Variants in CTNNA2 observed in about 807,000 individuals in gnomAD.
The protein encoded by CTNNA2 is catenin alpha 2.
CTNNA2 carries 42 observed loss-of-function variants against 101.0 expected under a neutral mutation model. The ratio of observed to expected loss-of-function variants is 0.42; its 90% CI spans 0.32 to 0.54. The LOEUF (loss-of-function observed/expected upper bound fraction) is 0.54, where lower values mean the gene tolerates loss of function less well. Among genes scored for constraint, CTNNA2 ranks in the 20% least tolerant of loss-of-function variants. CTNNA2 has a pLI of 0.14. For synonymous variants in CTNNA2, 450 were observed against 456.4 expected (o/e 0.99, Z 0.18); for missense variants, 871 against 1,223.1 (o/e 0.71, Z 4.29).
chr2:80,068,132 T>C (rs989887756), intron 7 of CTNNA2, among the ~76,000 whole-genome samples: 11 of 152,176 alleles, frequency 7.2e-5, no homozygotes, highest in African/African-American at 2.7e-4. Context: ...GGAGAAAGCA[T>C]AGATGCGCTG....
chr2:79,872,484 C>T (rs184660506), intron 5 of CTNNA2, among the ~76,000 whole-genome samples: 133 of 152,238 alleles, frequency 8.7e-4, no homozygotes, highest in Admixed American at 1.4e-3. Flanking sequence ...ACCTACCTCT[C>T]GTGCCCAAAT....
intron 3 of CTNNA2, among the ~76,000 whole-genome samples, chr2:79,328,453 T>C (rs1488679538): frequency 6.6e-6 from 1 of 152,128 alleles, no homozygotes. Flanking sequence ...GCTAGACATA[T>C]GAATTTGGGG....
intron 7 of CTNNA2, among the ~76,000 whole-genome samples, chr2:79,943,591 A>ACACTTGCCAGCTCT (rs1319632581): frequency 6.6e-6 from 1 of 152,200 alleles, no homozygotes; most frequent in East Asian, 1.9e-4. Context: ...TTGCCAGCTC[A>ACACTTGCCAGCTCT]GCACTTGCCT....
intron 7 of CTNNA2, among the ~76,000 whole-genome samples, chr2:80,158,634 G>T (rs560866113): frequency 6.6e-6 from 1 of 152,310 alleles, no homozygotes; most frequent in East Asian, 1.9e-4. Context: ...TACAGGCCGG[G>T]CATGGTGGCT....
intron 3 of CTNNA2, among the ~76,000 whole-genome samples, chr2:79,346,683 T>C (rs1247031740): frequency 6.6e-6 from 1 of 152,238 alleles, no homozygotes; most frequent in Non-Finnish European, 1.5e-5. Flanking sequence ...TTTTTTCCAA[T>C]AGTGGAAGCT....
intron 3 of CTNNA2, among the ~76,000 whole-genome samples, chr2:79,769,785 G>A (rs916285329): frequency 6.6e-6 from 1 of 152,150 alleles, no homozygotes; most frequent in Non-Finnish European, 1.5e-5. Flanking sequence ...TACTGGAATG[G>A]AATCCTGATT....
At chr2:80,024,461 G>A (rs1410943294) in intron 7 of CTNNA2, among the ~76,000 whole-genome samples, 7 of 152,204 alleles carry the variant, frequency 4.6e-5, no homozygotes, top group African/African-American at 9.6e-5. Context: ...CACAGCATGA[G>A]CAAAGGCATG....
At chr2:79,376,196 G>T (rs1677972236) in intron 4 of CTNNA2, among the ~76,000 whole-genome samples, 1 of 152,094 alleles carries the variant, frequency 6.6e-6, no homozygotes, top group African/African-American at 2.4e-5. Flanking sequence ...CAGAGTTAAG[G>T]TGCAGCAGAC....
intron 6 of CTNNA2, 136 bp downstream of exon 6, chr2:79,874,478 T>G (rs1361514702): frequency 3.8e-6 from 4 of 1,045,994 alleles, no homozygotes; most frequent in Non-Finnish European, 5.4e-6. Context: ...TAAGATAAAC[T>G]ACATAATGCA....
At chr2:80,592,683 C>T (rs139236732) in intron 15 of CTNNA2, among the ~76,000 whole-genome samples, 14 of 151,178 alleles carry the variant, frequency 9.3e-5, no homozygotes, top group East Asian at 4.0e-4. Flanking sequence ...TTTTATGGTT[C>T]GATACATTTG....
At chr2:79,873,687 C>A (rs76549497) in intron 5 of CTNNA2, among the ~76,000 whole-genome samples, 5,530 of 151,984 alleles carry the variant, frequency 0.036, 236 homozygotes, top group East Asian at 0.19. Context: ...TCCCTTGAGG[C>A]CAGGAGTTCA....
intron 4 of CTNNA2, among the ~76,000 whole-genome samples, chr2:79,419,616 A>G (rs1678518350): frequency 6.6e-6 from 1 of 152,164 alleles, no homozygotes; most frequent in African/African-American, 2.4e-5. Flanking sequence ...GAGTTTAGAT[A>G]TAAAATTTAT....
chr2:79,572,949 G>A (rs534989093), intron 1 of CTNNA2, among the ~76,000 whole-genome samples: 212 of 151,912 alleles, frequency 1.4e-3, no homozygotes, highest in African/African-American at 4.9e-3. Context: ...TTGCTGCCAC[G>A]GCCAGAATGT....
At chr2:79,435,203 A>G (rs1573164834) in intron 4 of CTNNA2, among the ~76,000 whole-genome samples, 1 of 152,118 alleles carries the variant, frequency 6.6e-6, no homozygotes, top group East Asian at 1.9e-4. Flanking sequence ...AAAAGCTACA[A>G]GGTTAAAATA....
At chr2:79,881,246 A>G (rs12476419) in intron 6 of CTNNA2, among the ~76,000 whole-genome samples, 34,303 of 152,148 alleles carry the variant, frequency 0.23, 4,586 homozygotes, top group Non-Finnish European at 0.31. Context: ...GGTCAATTTT[A>G]TAATAAGTGC....
At chr2:79,809,445 G>T (rs1229034102) in intron 3 of CTNNA2, among the ~76,000 whole-genome samples, 9 of 152,178 alleles carry the variant, frequency 5.9e-5, no homozygotes, top group Non-Finnish European at 1.3e-4. Context: ...ATCCGCTCCA[G>T]CATCTGTTGT....
chr2:80,375,567 T>TCCTCTAAGTACCTCC, intron 7 of CTNNA2, among the ~76,000 whole-genome samples: 1 of 135,250 alleles, frequency 7.4e-6, no homozygotes, highest in Non-Finnish European at 1.5e-5. Context: ...GGCTTCTTTT[T>TCCTCTAAGTACCTCC]TTTTTTTTTT....
intron 7 of CTNNA2, among the ~76,000 whole-genome samples, chr2:79,972,319 C>T (rs2104574698): frequency 6.6e-6 from 1 of 152,212 alleles, no homozygotes; most frequent in African/African-American, 2.4e-5. Context: ...GTACCTGATA[C>T]CCCAGAAATT....
chr2:80,343,345 G>C (rs1474355651), intron 7 of CTNNA2, among the ~76,000 whole-genome samples: 2 of 150,172 alleles, frequency 1.3e-5, no homozygotes, highest in Non-Finnish European at 3.0e-5. Context: ...ATCCATGTAT[G>C]AATTGAAGTT....
Sources: allele counts gnomAD v4.1 joint callset (sites outside exome capture counted in the v4.1 genomes callset), GRCh38; gene constraint gnomAD v4.1.1; transcripts MANE v1.5; gene names NCBI Gene and HGNC (gene_info 2026-07-23, HGNC 2026-07-21).